TMEM40: variants seen among roughly 807,000 people sequenced by gnomAD.
TMEM40 encodes transmembrane protein 40.
Under a neutral mutation model 40.8 loss-of-function variants are expected in TMEM40, and 34 were observed. The observed-to-expected ratio is 0.83, with a 90% CI of 0.63 to 1.11. The LOEUF (loss-of-function observed/expected upper bound fraction) is 1.11, where lower values mean the gene tolerates loss of function less well. Ranked by LOEUF, TMEM40 falls within the 50% of genes least tolerant of loss-of-function variation. The pLI is 0.00. For synonymous variants in TMEM40, 106 were observed against 107.0 expected (o/e 0.99, Z 0.06); for missense variants, 296 against 280.2 (o/e 1.06, Z -0.40).
At chr3:12,752,189 A>C (rs1231851148) in intron 1 of TMEM40, among the ~76,000 whole-genome samples, 1 of 152,080 alleles carries the variant, frequency 6.6e-6, no homozygotes. Context: ...CCTGGACTCA[A>C]GTGATCCTCC....
chr3:12,734,682 G>T lies in TMEM40; in HGVS notation c.*92C>A. 1 of 1,434,484 alleles carries T rather than the reference G, an allele frequency of 7.0e-7. No homozygotes were observed. The highest frequency in any genetic ancestry group is 9.5e-7 in the Non-Finnish European group (1 of 1,049,804). The allele number at this position is 1,434,484 out of a possible 1,614,324, so 88.9% of individuals were successfully genotyped here. A position where few individuals can be genotyped will look rare whatever the true frequency, so the allele number is the denominator to read the frequency against. ...ATTGGTCTGGCTTGGTCTCCTGTGCGTCTCTCAGAATGCTGCTCTGCCCTT... is the reference window on the plus strand; with the variant it reads ...ATTGGTCTGGCTTGGTCTCCTGTGCTTCTCTCAGAATGCTGCTCTGCCCTT... On this transcript the variant is annotated 3_prime_UTR_variant, in exon 12 of 12. Transcript: ENST00000314124.
At chr3:12,749,903 G>T in intron 1 of TMEM40, 63 bp from the exon 2 acceptor site, 1 of 1,421,368 alleles carries the variant, frequency 7.0e-7, no homozygotes, top group East Asian at 2.3e-5. Context: ...TATACAAAGA[G>T]CTTGGCAAAT....
intron 5 of TMEM40, among the ~76,000 whole-genome samples, chr3:12,739,475 G>A (rs1273280001): frequency 2.6e-5 from 4 of 151,854 alleles, no homozygotes; most frequent in African/African-American, 4.8e-5. Context: ...TAGTAGAGAC[G>A]GGGTTTCACC....
Position 12,738,137 on chromosome 3 carries a change from A to T in TMEM40, c.423T>A (p.Ser141Arg). ...TCCTATTTGAGCTTGTGTATTTACC[A>T]CTTGCTGGGTCAGAGCCTCTCCTTC... The part of the protein sequence containing the change: ...GLRRRGSDPA[S>R]GEVEASQLRR... The change falls in exon 7 of 12, where the codon AGT becomes AGA. Residue 141 changes from serine (S) to arginine (R), a missense_variant and splice_region_variant. Coordinates refer to ENST00000314124, the MANE Select transcript of TMEM40 (RefSeq NM_018306.4). 2 of 1,613,800 alleles carry T rather than the reference A, an allele frequency of 1.2e-6. No individual in the cohort carries two copies. The highest frequency in any genetic ancestry group is 1.7e-6 in the Non-Finnish European group (2 of 1,179,946).
rs1433246733 is a variant in TMEM40, at chr3:12,738,544, G to A, written c.391+9C>T. The A allele has an allele frequency of 1.2e-6, 2 of 1,613,958 alleles. No homozygotes were observed. Among genetic ancestry groups the A allele is most frequent in the Non-Finnish European group, 1.7e-6 (2 of 1,179,966 alleles). On this transcript the variant is annotated intron_variant, in intron 6 of 11. Coordinates refer to ENST00000314124, the MANE Select transcript of TMEM40 (RefSeq NM_018306.4). Reference sequence around the variant, plus strand: ...ACCAACGACCTCTCTCCTCTAACTGGACACTCACCTGATTCCCCAGAGGGT... The same window carrying A: ...ACCAACGACCTCTCTCCTCTAACTGAACACTCACCTGATTCCCCAGAGGGT...
intron 1 of TMEM40, among the ~76,000 whole-genome samples, chr3:12,753,688 C>CCAAA (rs1432010199): frequency 6.6e-6 from 1 of 152,194 alleles, no homozygotes; most frequent in African/African-American, 2.4e-5. Flanking sequence ...AGCACCAACT[C>CCAAA]AGGTGGCCCC....
intron 1 of TMEM40, among the ~76,000 whole-genome samples, chr3:12,755,659 T>G (rs1397469359): frequency 1.3e-5 from 2 of 152,074 alleles, no homozygotes; most frequent in Non-Finnish European, 2.9e-5. Context: ...CTAAAAATAG[T>G]TAATAGTATA....
upstream of TMEM40, among the ~76,000 whole-genome samples, chr3:12,762,062 G>T (rs540453810): frequency 2.3e-3 from 346 of 152,020 alleles, 1 homozygote; most frequent in African/African-American, 7.6e-3. Flanking sequence ...AAATGGGCTC[G>T]AGTGATCCTC....
rs1559524365 is a variant in TMEM40, at chr3:12,737,747, CA to C, written c.431del (p.Val144GlyfsTer6). ...TCAGTCTTCTTAACTGAGAGGCCTC[CA>C]CTTCTCCTTAAGAACAAGAGAGAGA... ...RRGSDPASGE[V>X]EASQLRRLNI... On this transcript the variant is annotated frameshift_variant, in exon 8 of 12. Transcript: ENST00000314124. LOFTEE classifies it high-confidence loss of function. 2 of 1,613,860 alleles carry C rather than the reference CA, an allele frequency of 1.2e-6. No individual in the cohort carries two copies. Among genetic ancestry groups the C allele is most frequent in the Non-Finnish European group, 1.7e-6 (2 of 1,179,906 alleles).
chr3:12,737,523 A>G (rs2061346548), intron 8 of TMEM40, 184 bp downstream of exon 8: 2 of 629,488 alleles, frequency 3.2e-6, no homozygotes, highest in East Asian at 2.7e-5. Flanking sequence ...CAGTTTTCAT[A>G]TCTGCAAAAT....
At chr3:12,768,406 G>A (rs1286277286) in intron 1 of TMEM40, among the ~76,000 whole-genome samples, 14 of 152,190 alleles carry the variant, frequency 9.2e-5, no homozygotes, top group Non-Finnish European at 1.9e-4. Flanking sequence ...CTGCTGATTG[G>A]TCATTTTACA....
At chr3:12,736,018 G>C (rs1330880476) in intron 10 of TMEM40, among the ~76,000 whole-genome samples, 1 of 152,118 alleles carries the variant, frequency 6.6e-6, no homozygotes, top group Non-Finnish European at 1.5e-5. Flanking sequence ...TGTGCCCTGG[G>C]CCCGGCCTCT....
chr3:12,759,965 T>C (rs2061557470), upstream of TMEM40, among the ~76,000 whole-genome samples: 1 of 83,546 alleles, frequency 1.2e-5, no homozygotes, highest in South Asian at 4.9e-4. Flanking sequence ...CCCCCAGCCT[T>C]GGAGGGAAAC....
In TMEM40 at chr3:12,738,667, C is replaced by T. The variant is rs888269032; in HGVS notation, c.356-79G>A. The T allele has an allele frequency of 7.4e-6, 11 of 1,491,756 alleles. No homozygotes were observed. In the African/African-American group the frequency reaches 1.4e-4, roughly 19 times the overall value. 92.4% of individuals were successfully genotyped at this position (1,491,756 alleles called of 1,614,324 possible). A position where few individuals can be genotyped will look rare whatever the true frequency, so the allele number is the denominator to read the frequency against. On this transcript the variant is annotated intron_variant, in intron 5 of 11. Coordinates refer to ENST00000314124, the MANE Select transcript of TMEM40 (RefSeq NM_018306.4). ...AAGTCATGCTTCAGGGAAGGTGGAT[C>T]CTGCTCGGAGACTTCCCACTTAATC... is the stretch of plus-strand genomic sequence containing the variant.
rs1575735256 is a variant in TMEM40, at chr3:12,744,101, G to C, written c.212-112C>G. ...TAGTTTATGAGAAGAGTGTGGTTTG[G>C]TGGGAGGAACTCTGATTTGGGGACT... is the stretch of plus-strand genomic sequence containing the variant. On this transcript the variant is annotated intron_variant, in intron 3 of 11. Transcript: ENST00000314124. The C allele has an allele frequency of 3.2e-5, 36 of 1,109,622 alleles. 1 individual carries two copies. The East Asian group carries it at 9.1e-4, about 28-fold the overall frequency. 68.7% of individuals were successfully genotyped at this position (1,109,622 alleles called of 1,614,324 possible).
chr3:12,741,864 G>A (rs1272266884), intron 5 of TMEM40, among the ~76,000 whole-genome samples: 2 of 152,168 alleles, frequency 1.3e-5, no homozygotes, highest in African/African-American at 2.4e-5. Context: ...GGAGGCCAAG[G>A]CCGGAGGATC....
upstream of TMEM40, among the ~76,000 whole-genome samples, chr3:12,762,640 G>A (rs1575748494): frequency 2.0e-5 from 3 of 152,164 alleles, no homozygotes; most frequent in South Asian, 6.2e-4. Flanking sequence ...GTCTCTGGAG[G>A]TATGTAAGAA....
At chr3:12,769,194 C>A in intron 1 of TMEM40, 2 of 339,564 alleles carry the variant, frequency 5.9e-6, no homozygotes, top group Non-Finnish European at 1.3e-5. Context: ...GGAACTGTAG[C>A]CGGCCCTCAA....
chr3:12,738,476 C>T, intron 6 of TMEM40, 77 bp downstream of exon 6: 1 of 1,526,368 alleles, frequency 6.6e-7, no homozygotes, highest in Non-Finnish European at 9.1e-7. Flanking sequence ...GGTGCTGGCT[C>T]TCTTGGGGGA....
Sources: gnomAD v4.1 joint callset for allele counts (sites outside exome capture counted in the v4.1 genomes callset) on GRCh38, gnomAD v4.1.1 for gene constraint, MANE v1.5 for transcripts, NCBI Gene and HGNC (gene_info 2026-07-23, HGNC 2026-07-21) for gene names.